The following CDH17 variants were observed in gnomAD, a reference collection of about 807,000 sequenced individuals.
CDH17 encodes cadherin-17.
Under a neutral mutation model 86.3 loss-of-function variants are expected in CDH17, and 67 were observed. The ratio of observed to expected loss-of-function variants is 0.78; its 90% CI spans 0.64 to 0.95. CDH17 has a LOEUF of 0.95. CDH17 is among the 40% of genes least tolerant of loss of function. The pLI is 0.00. For synonymous variants in CDH17, 367 were observed against 366.4 expected, an observed-to-expected ratio of 1.00 and a Z score of -0.02; for missense variants, 993 against 1,017.6, an observed-to-expected ratio of 0.98 and a Z score of 0.33.
upstream of CDH17, among the ~76,000 whole-genome samples, chr8:94,210,226 T>TTAAA (rs1554591888): frequency 1.9e-5 from 1 of 53,434 alleles, no homozygotes; most frequent in Non-Finnish European, 3.3e-5. Flanking sequence ...TTTATGCGAG[T>TTAAA]AAAAAAAAAA....
chr8:94,209,665 C>G (rs1814090310), upstream of CDH17, among the ~76,000 whole-genome samples: 1 of 152,164 alleles, frequency 6.6e-6, no homozygotes, highest in Admixed American at 6.5e-5. Context: ...GCCCTTCTTG[C>G]TTTGTCCCAC....
intron 11 of CDH17, among the ~76,000 whole-genome samples, chr8:94,160,524 A>G (rs1331573979): frequency 6.6e-6 from 1 of 152,200 alleles, no homozygotes; most frequent in East Asian, 1.9e-4. Context: ...TACATTATTT[A>G]ATTAATTCTT....
chr8:94,170,005 T>G (rs1813236349), intron 9 of CDH17, among the ~76,000 whole-genome samples: 1 of 152,170 alleles, frequency 6.6e-6, no homozygotes, highest in Non-Finnish European at 1.5e-5. Flanking sequence ...GTTTAAATTC[T>G]TTGGCAAATG....
intron 9 of CDH17, 106 bp from the exon 10 acceptor site, chr8:94,166,082 T>C (rs1813148673): frequency 1.5e-6 from 1 of 687,446 alleles, no homozygotes; most frequent in South Asian, 1.9e-5. Flanking sequence ...ATGAATAACT[T>C]TGAATAGCAG....
chr8:94,132,084 A>T (rs1227776621), intron 15 of CDH17, among the ~76,000 whole-genome samples: 1 of 152,074 alleles, frequency 6.6e-6, no homozygotes, highest in Non-Finnish European at 1.5e-5. Context: ...TCATTGATGG[A>T]CATTTTGGTT....
chr8:94,203,797 A>G (rs954491877), intron 1 of CDH17, among the ~76,000 whole-genome samples: 3 of 152,258 alleles, frequency 2.0e-5, no homozygotes, highest in Admixed American at 2.0e-4. Context: ...GGGCAGCTGG[A>G]TGATTTGTTT....
intron 1 of CDH17, among the ~76,000 whole-genome samples, chr8:94,195,253 T>C (rs1813760996): frequency 6.6e-6 from 1 of 152,208 alleles, no homozygotes. Context: ...TCTGCCTGCG[T>C]CGGCCTCCCA....
At chr8:94,151,774 G>C in intron 13 of CDH17, 94 bp downstream of exon 13, 1 of 1,509,316 alleles carries the variant, frequency 6.6e-7, no homozygotes, top group Non-Finnish European at 9.1e-7. Context: ...TGCTGTGAGG[G>C]TCAGCCCTGG....
At chr8:94,164,044 A>G (rs1341073493) in intron 10 of CDH17, among the ~76,000 whole-genome samples, 1 of 152,242 alleles carries the variant, frequency 6.6e-6, no homozygotes, top group African/African-American at 2.4e-5. Context: ...ATATTTTATA[A>G]TCTGGTCCAT....
At chr8:94,171,709 G>T (rs376636506) in intron 7 of CDH17, among the ~76,000 whole-genome samples, 2 of 152,056 alleles carry the variant, frequency 1.3e-5, no homozygotes, top group African/African-American at 4.8e-5. Flanking sequence ...GTCCTCTGAC[G>T]TACAGACTAC....
At chr8:94,211,661 C>T (rs1341491325), upstream of CDH17, among the ~76,000 whole-genome samples, 2 of 152,202 alleles carry the variant, frequency 1.3e-5, no homozygotes, top group Non-Finnish European at 2.9e-5. Flanking sequence ...TGGTAAATTT[C>T]TCAATTTTTC....
At chr8:94,136,520 T>C (rs1015940067) in intron 15 of CDH17, among the ~76,000 whole-genome samples, 9 of 152,206 alleles carry the variant, frequency 5.9e-5, no homozygotes, top group African/African-American at 1.9e-4. Flanking sequence ...CTACACTGTT[T>C]ATTCTAGTTA....
At chr8:94,161,607 A>T (rs1258167659) in intron 11 of CDH17, among the ~76,000 whole-genome samples, 1 of 152,026 alleles carries the variant, frequency 6.6e-6, no homozygotes, top group Non-Finnish European at 1.5e-5. Flanking sequence ...TCTTGGGCAC[A>T]TTTTTCTTTG....
chr8:94,152,292 G>T (rs570168253), intron 12 of CDH17, among the ~76,000 whole-genome samples, 180 bp from the exon 13 acceptor site: 77 of 152,304 alleles, frequency 5.1e-4, no homozygotes, highest in Non-Finnish European at 8.7e-4. Flanking sequence ...GTTAAAAATA[G>T]ATTACAGACA....
intron 2 of CDH17, among the ~76,000 whole-genome samples, chr8:94,193,160 A>G (rs1167287178): frequency 6.6e-6 from 1 of 152,180 alleles, no homozygotes; most frequent in East Asian, 1.9e-4. Context: ...CTGGGGTGAG[A>G]GTAGAGAGAA....
At chr8:94,148,709 TC>T (rs754516356) in intron 14 of CDH17, 34 bp downstream of exon 14, 161 of 1,468,570 alleles carry the variant, frequency 1.1e-4, no homozygotes, top group Non-Finnish European at 1.4e-4. Flanking sequence ...TAATCTGTGT[TC>T]CTTTTTTTTT....
intron 1 of CDH17, among the ~76,000 whole-genome samples, chr8:94,205,150 C>T (rs538753324): frequency 3.7e-4 from 56 of 152,216 alleles, no homozygotes; most frequent in Non-Finnish European, 4.4e-4. Flanking sequence ...CCGCAAAAAC[C>T]CTAGAAGGTG....
chr8:94,151,886 G>A lies in CDH17; in HGVS notation c.1778C>T (p.Pro593Leu), dbSNP rs1812862027. The change falls in exon 13 of 18, where the codon CCA (proline) becomes CTA (leucine). Residue 593 changes from proline to leucine, a missense_variant. Physicochemically the swap from Pro to Leu is moderately conservative, Grantham distance 98. Coordinates refer to ENST00000027335, the MANE Select transcript of CDH17 (RefSeq NM_004063.4). ...TKVGNVTAKD[P>L]EGLDISYSLR... ...CCTTTACCTTATGTCCAGACCTTCTGGATCCTTGGCAGTCACATTGCCCAC... is the reference window on the plus strand; with the variant it reads ...CCTTTACCTTATGTCCAGACCTTCTAGATCCTTGGCAGTCACATTGCCCAC... The A allele has an allele frequency of 6.2e-7, 1 of 1,614,170 alleles. No individual in the cohort carries two copies. Among genetic ancestry groups the A allele is most frequent in the Non-Finnish European group, 8.5e-7 (1 of 1,180,010 alleles).
intron 15 of CDH17, among the ~76,000 whole-genome samples, chr8:94,137,853 A>G (rs1028446144): frequency 3.9e-5 from 6 of 152,228 alleles, no homozygotes; most frequent in Non-Finnish European, 8.8e-5. Context: ...AGATTATTTT[A>G]TAAACACAAT....
Sources: gnomAD v4.1 joint callset for allele counts (sites outside exome capture counted in the v4.1 genomes callset) on GRCh38, gnomAD v4.1.1 for gene constraint, MANE v1.5 for transcripts, NCBI Gene and HGNC (gene_info 2026-07-23, HGNC 2026-07-21) for gene names.